The following NR6A1 variants were observed in gnomAD, a reference collection of about 807,000 sequenced individuals.
NR6A1 encodes the protein retinoic acid receptor-related testis-associated receptor.
A neutral mutation model predicts 59.1 loss-of-function variants in NR6A1; 7 were observed. The observed-to-expected ratio is 0.12, with a 90% CI of 0.07 to 0.22. NR6A1 has a LOEUF of 0.22. Among genes scored for constraint, NR6A1 ranks in the 10% least tolerant of loss-of-function variants. The probability of loss-of-function intolerance (pLI) is 1.00; values close to 1 mark genes in which losing one functional copy is unlikely to be tolerated. For synonymous variants in NR6A1, 243 were observed against 236.1 expected (o/e 1.03, Z -0.27); for missense variants, 468 against 611.6 (o/e 0.77, Z 2.48).
At chr9:124,598,349 C>CT (rs1835337831) in intron 2 of NR6A1, among the ~76,000 whole-genome samples, 2 of 138,484 alleles carry the variant, frequency 1.4e-5, no homozygotes, top group African/African-American at 2.8e-5. Flanking sequence ...CTCGTCCCTA[C>CT]TTAAAAAAAA....
intron 2 of NR6A1, among the ~76,000 whole-genome samples, chr9:124,687,532 C>T (rs547423018): frequency 6.6e-6 from 1 of 152,246 alleles, no homozygotes; most frequent in South Asian, 2.1e-4. Flanking sequence ...TTCTACCTCT[C>T]AACTCCTTGG....
At chr9:124,539,146 C>G (rs142062412) in intron 5 of NR6A1, among the ~76,000 whole-genome samples, 13 of 152,242 alleles carry the variant, frequency 8.5e-5, no homozygotes, top group African/African-American at 2.9e-4. Context: ...CTTAAGCAAT[C>G]TACCCACCTT....
intron 2 of NR6A1, among the ~76,000 whole-genome samples, chr9:124,714,828 A>G (rs757779756): frequency 1.6e-4 from 25 of 152,190 alleles, no homozygotes; most frequent in Non-Finnish European, 2.9e-4. Context: ...TCTCAACACT[A>G]AACTTTTTAA....
chr9:124,651,406 G>T (rs780932039), intron 2 of NR6A1, among the ~76,000 whole-genome samples: 3 of 152,152 alleles, frequency 2.0e-5, no homozygotes, highest in Non-Finnish European at 4.4e-5. Context: ...AATTGAATTT[G>T]ATTACTGGCT....
chr9:124,548,158 AAAT>A (rs1833657040), intron 3 of NR6A1, among the ~76,000 whole-genome samples: 1 of 149,426 alleles, frequency 6.7e-6, no homozygotes, highest in Non-Finnish European at 1.5e-5. Flanking sequence ...GGGGGAGGGA[AAAT>A]AATAAAACAA....
intron 4 of NR6A1, among the ~76,000 whole-genome samples, chr9:124,543,114 T>C (rs961890450): frequency 6.6e-5 from 10 of 152,228 alleles, no homozygotes; most frequent in Non-Finnish European, 8.8e-5. Flanking sequence ...CTCTACTACA[T>C]GTGCCCAATG....
intron 2 of NR6A1, among the ~76,000 whole-genome samples, chr9:124,685,598 G>A (rs560403268): frequency 6.6e-6 from 1 of 152,158 alleles, no homozygotes; most frequent in South Asian, 2.1e-4. Context: ...CCAAAGTACT[G>A]AGATTACAGG....
intron 2 of NR6A1, chr9:124,599,637 T>C (rs984839741): frequency 1.7e-6 from 2 of 1,166,148 alleles, no homozygotes; most frequent in African/African-American, 1.7e-5. Context: ...CTCCGCGGCC[T>C]CTCGGCGACT....
At chr9:124,584,338 G>A (rs1487359689) in intron 2 of NR6A1, among the ~76,000 whole-genome samples, 1 of 151,974 alleles carries the variant, frequency 6.6e-6, no homozygotes, top group Non-Finnish European at 1.5e-5. Context: ...ATCTCCTGAC[G>A]TCATGATCTG....
At chr9:124,688,431 G>A (rs150219851) in intron 2 of NR6A1, among the ~76,000 whole-genome samples, 250 of 152,288 alleles carry the variant, frequency 1.6e-3, no homozygotes, top group African/African-American at 5.7e-3. Flanking sequence ...CACAGAAAGC[G>A]AAAACGCATA....
At chr9:124,614,344 G>T (rs1835833254) in intron 2 of NR6A1, among the ~76,000 whole-genome samples, 1 of 152,130 alleles carries the variant, frequency 6.6e-6, no homozygotes, top group Non-Finnish European at 1.5e-5. Flanking sequence ...GCTCCATAGG[G>T]CCAAGAATAG....
At chr9:124,699,978 A>G (rs914847915) in intron 2 of NR6A1, among the ~76,000 whole-genome samples, 1 of 151,548 alleles carries the variant, frequency 6.6e-6, no homozygotes, top group Admixed American at 6.6e-5. Flanking sequence ...TGCCTCAGTC[A>G]CCTGAGTAGC....
At chr9:124,684,215 A>C (rs1838256656) in intron 2 of NR6A1, among the ~76,000 whole-genome samples, 1 of 152,200 alleles carries the variant, frequency 6.6e-6, no homozygotes, top group Non-Finnish European at 1.5e-5. Flanking sequence ...GAGTGACAGA[A>C]GTCAAGGATG....
intron 3 of NR6A1, among the ~76,000 whole-genome samples, chr9:124,544,192 G>A (rs1182070726): frequency 6.6e-6 from 1 of 152,212 alleles, no homozygotes; most frequent in Non-Finnish European, 1.5e-5. Flanking sequence ...ACAAATTCTA[G>A]GGGAGGGACA....
At position 124,518,354 on chromosome 9, in the gene NR6A1, G is replaced by C. The variant is rs1832731703; in HGVS notation, c.*4351C>G. On this transcript the variant is annotated 3_prime_UTR_variant, in exon 10 of 10. Coordinates refer to ENST00000487099, the MANE Select transcript of NR6A1 (RefSeq NM_033334.4). ...AGGTCTGGCCAAAGCAGAAGCCCCAGCTTGCTCCAGACTTGGCAGGCTCTC... is the reference window on the plus strand; with the variant it reads ...AGGTCTGGCCAAAGCAGAAGCCCCACCTTGCTCCAGACTTGGCAGGCTCTC... The C allele has an allele frequency of 6.6e-6, 1 of 151,852 alleles. No homozygotes were observed. Among genetic ancestry groups the C allele is most frequent in the South Asian group, 2.1e-4 (1 of 4,798 alleles). The allele number at this position is 151,852 out of a possible 1,614,324, so 9.4% of individuals were successfully genotyped here. A position where few individuals can be genotyped will look rare whatever the true frequency, so the allele number is the denominator to read the frequency against.
At chr9:124,763,924 C>T (rs1031347191) in intron 1 of NR6A1, among the ~76,000 whole-genome samples, 39 of 152,132 alleles carry the variant, frequency 2.6e-4, no homozygotes, top group Admixed American at 1.4e-3. Flanking sequence ...TGGCTCATGT[C>T]TGTAATCCCA....
Position 124,522,692 on chromosome 9 carries a change from C to T in NR6A1, c.*13G>A, listed in dbSNP as rs763732031. On this transcript the variant is annotated 3_prime_UTR_variant, in exon 10 of 10. Coordinates refer to ENST00000487099, the MANE Select transcript of NR6A1 (RefSeq NM_033334.4). ...GACGCTGTGGTTGGCCTGAGGAGGGCGCCTGGAACAGGTCATTCCTTGCCC... is the reference window on the plus strand; with the variant it reads ...GACGCTGTGGTTGGCCTGAGGAGGGTGCCTGGAACAGGTCATTCCTTGCCC... The T allele has an allele frequency of 6.4e-6, 10 of 1,559,688 alleles. No individual in the cohort carries two copies. The highest frequency in any genetic ancestry group is 3.8e-5 in the Admixed American group (2 of 52,734).
At chr9:124,677,117 G>GAAGA (rs1837989746) in intron 2 of NR6A1, among the ~76,000 whole-genome samples, 1 of 151,900 alleles carries the variant, frequency 6.6e-6, no homozygotes, top group Non-Finnish European at 1.5e-5. Context: ...GAAAAAAAAA[G>GAAGA]GCCTTAGTGC....
At chr9:124,564,433 A>G (rs1834173593) in intron 2 of NR6A1, among the ~76,000 whole-genome samples, 1 of 152,242 alleles carries the variant, frequency 6.6e-6, no homozygotes, top group South Asian at 2.1e-4. Context: ...ATGCACAGAA[A>G]TGAAAAATTT....
Sources: allele counts gnomAD v4.1 joint callset (sites outside exome capture counted in the v4.1 genomes callset), GRCh38; gene constraint gnomAD v4.1.1; transcripts MANE v1.5; gene names NCBI Gene and HGNC (gene_info 2026-07-23, HGNC 2026-07-21).